ACSS3: variants seen among roughly 807,000 people sequenced by gnomAD.
The protein encoded by ACSS3 is acyl-CoA synthetase short chain family member 3.
A neutral mutation model predicts 84.2 loss-of-function variants in ACSS3; 64 were observed. The observed-to-expected ratio is 0.76, with a 90% CI of 0.62 to 0.94. The LOEUF (loss-of-function observed/expected upper bound fraction) is 0.94, where lower values mean the gene tolerates loss of function less well. ACSS3 is among the 40% of genes least tolerant of loss of function. ACSS3 has a pLI of 0.00. For missense variants in ACSS3, 815 were observed against 867.6 expected, an observed-to-expected ratio of 0.94 and a Z score of 0.76; for synonymous variants, 317 against 310.1, an observed-to-expected ratio of 1.02 and a Z score of -0.23.
intron 11 of ACSS3, among the ~76,000 whole-genome samples, chr12:81,229,017 C>G (rs1383467211): frequency 6.6e-6 from 1 of 151,756 alleles, no homozygotes; most frequent in Non-Finnish European, 1.5e-5. Flanking sequence ...ACAGCTGTTC[C>G]CCTTGTACCT....
chr12:81,126,698 A>T (rs943960535), intron 2 of ACSS3, among the ~76,000 whole-genome samples: 1 of 152,198 alleles, frequency 6.6e-6, no homozygotes, highest in Non-Finnish European at 1.5e-5. Context: ...CTTGAAAGCA[A>T]AGATTATTGA....
At chr12:81,114,249 T>C (rs1399979718) in intron 2 of ACSS3, among the ~76,000 whole-genome samples, 1 of 152,146 alleles carries the variant, frequency 6.6e-6, no homozygotes, top group African/African-American at 2.4e-5. Context: ...TTATCTTAAC[T>C]AAAGGTAATT....
intron 1 of ACSS3, among the ~76,000 whole-genome samples, chr12:81,107,539 T>TATATATAC (rs1883157948): frequency 8.5e-6 from 1 of 117,030 alleles, no homozygotes; most frequent in Admixed American, 8.3e-5. Context: ...TATATATATA[T>TATATATAC]ATATATATAT....
chr12:81,244,868 GAAACTCTGTTTCTAA>G (rs2033930587), intron 13 of ACSS3, among the ~76,000 whole-genome samples: 1 of 151,908 alleles, frequency 6.6e-6, no homozygotes, highest in Non-Finnish European at 1.5e-5. Context: ...CCTGTCATAT[GAAACTCTGTTTCTAA>G]TGCTTCTTCA....
chr12:81,144,898 C>CTTTTTTTTTT (rs1178972256), intron 5 of ACSS3, among the ~76,000 whole-genome samples: 1 of 84,392 alleles, frequency 1.2e-5, no homozygotes, highest in Non-Finnish European at 2.6e-5. Flanking sequence ...TCTTTTTTTT[C>CTTTTTTTTTT]TTTTCTTTTT....
chr12:81,120,008 G>T (rs1156688651), intron 2 of ACSS3, among the ~76,000 whole-genome samples: 1 of 152,166 alleles, frequency 6.6e-6, no homozygotes, highest in Non-Finnish European at 1.5e-5. Context: ...TCCATTTGGG[G>T]TCCTTGACTT....
rs766785695 is a variant in ACSS3 at position 81,253,514 on chromosome 12, G to A, written c.1839G>A (p.Glu613=). Residue 613 remains glutamate (E), a synonymous_variant, in exon 15 of 16, where the codon GAG becomes GAA. Transcript: ENST00000548058. ...VLRKDINATE[E]QVLEEIVKHV... ...CTCTAGATATAAATGCAACAGAGGA[G>A]CAAGTTTTGGAAGAAATTGTGAAAC... The A allele has an allele frequency of 8.1e-6, 13 of 1,613,730 alleles. No homozygotes were observed. In the East Asian group the frequency reaches 2.0e-4, roughly 25 times the overall value.
chr12:81,183,307 CT>C (rs1436683830), intron 8 of ACSS3, among the ~76,000 whole-genome samples: 1 of 152,060 alleles, frequency 6.6e-6, no homozygotes, highest in Non-Finnish European at 1.5e-5. Context: ...AAACAAAAAT[CT>C]ACAACAGATA....
intron 2 of ACSS3, among the ~76,000 whole-genome samples, chr12:81,120,415 G>A (rs979051747): frequency 6.6e-6 from 1 of 152,142 alleles, no homozygotes; most frequent in African/African-American, 2.4e-5. Context: ...ACAGCTGAAT[G>A]CATCAACAAT....
intron 9 of ACSS3, among the ~76,000 whole-genome samples, chr12:81,202,797 C>T (rs1484225422): frequency 2.0e-5 from 3 of 152,062 alleles, no homozygotes; most frequent in South Asian, 2.1e-4. Context: ...GTAACTAAAA[C>T]GTATGAATAA....
intron 15 of ACSS3, among the ~76,000 whole-genome samples, chr12:81,254,003 C>T (rs1420845899): frequency 6.6e-6 from 1 of 152,162 alleles, no homozygotes; most frequent in Non-Finnish European, 1.5e-5. Flanking sequence ...TGGCTCACTA[C>T]AGCCACAAAG....
chr12:81,215,667 G>A (rs1326930102), intron 9 of ACSS3, among the ~76,000 whole-genome samples: 1 of 152,300 alleles, frequency 6.6e-6, no homozygotes, highest in East Asian at 1.9e-4. Context: ...TGTAGGTTAT[G>A]TGTGTAATAC....
At chr12:81,204,805 G>A (rs7136590) in intron 9 of ACSS3, among the ~76,000 whole-genome samples, 39,158 of 152,050 alleles carry the variant, frequency 0.26, 5,310 homozygotes, top group East Asian at 0.48. Flanking sequence ...ATGAAGTAAT[G>A]ACCACCAACT....
chr12:81,131,930 T>A (rs1283490444), intron 2 of ACSS3, among the ~76,000 whole-genome samples: 2 of 152,188 alleles, frequency 1.3e-5, no homozygotes, highest in African/African-American at 4.8e-5. Flanking sequence ...GGATTACGTT[T>A]ATTGATTTGC....
intron 8 of ACSS3, among the ~76,000 whole-genome samples, chr12:81,179,348 A>T (rs1225803975): frequency 6.6e-6 from 1 of 151,602 alleles, no homozygotes; most frequent in Admixed American, 6.6e-5. Context: ...ATTAAACTAA[A>T]AAGCTTCAGG....
intron 13 of ACSS3, among the ~76,000 whole-genome samples, chr12:81,249,026 A>G (rs1481912189): frequency 7.2e-5 from 11 of 152,040 alleles, no homozygotes; most frequent in Admixed American, 6.6e-4. Context: ...TTAAGAGGAC[A>G]GTATCCTTGC....
intron 7 of ACSS3, among the ~76,000 whole-genome samples, chr12:81,163,861 G>A (rs1322479977): frequency 2.0e-5 from 3 of 152,102 alleles, no homozygotes; most frequent in African/African-American, 7.2e-5. Flanking sequence ...TGTACAATGT[G>A]TTTGTCTTTT....
At chr12:81,157,161 AC>A (rs1352204513) in intron 7 of ACSS3, among the ~76,000 whole-genome samples, 1 of 152,190 alleles carries the variant, frequency 6.6e-6, no homozygotes, top group Admixed American at 6.5e-5. Context: ...ATACACTGTG[AC>A]CAAGTGGAAT....
intron 3 of ACSS3, among the ~76,000 whole-genome samples, chr12:81,135,749 A>G (rs1445920169): frequency 3.3e-5 from 5 of 152,208 alleles, no homozygotes; most frequent in South Asian, 4.1e-4. Context: ...CAAGTACCCT[A>G]AAAGTCCAGA....
Sources: gnomAD v4.1 joint callset for allele counts (sites outside exome capture counted in the v4.1 genomes callset) on GRCh38, gnomAD v4.1.1 for gene constraint, MANE v1.5 for transcripts, NCBI Gene and HGNC (gene_info 2026-07-23, HGNC 2026-07-21) for gene names.